Variants in RGS12 observed in about 807,000 individuals in gnomAD.
The protein encoded by RGS12 is regulator of G-protein signaling 12.
A neutral mutation model predicts 120.1 loss-of-function variants in RGS12; 66 were observed. The ratio of observed to expected loss-of-function variants is 0.55; its 90% CI spans 0.45 to 0.67. RGS12 has a LOEUF of 0.67. Among genes scored for constraint, RGS12 ranks in the 30% least tolerant of loss-of-function variants. The pLI is 0.00. For missense variants in RGS12, 1,859 were observed against 1,957.7 expected (o/e 0.95, Z 0.95); for synonymous variants, 827 against 804.7 (o/e 1.03, Z -0.47).
intron 1 of RGS12, among the ~76,000 whole-genome samples, chr4:3,295,101 G>A (rs1723296799): frequency 1.3e-5 from 2 of 152,150 alleles, no homozygotes; most frequent in African/African-American, 4.8e-5. Flanking sequence ...TGGCCAGGCC[G>A]AGGAGACCTG....
intron 1 of RGS12, among the ~76,000 whole-genome samples, chr4:3,293,470 G>T (rs1041733978): frequency 6.6e-6 from 1 of 151,384 alleles, no homozygotes; most frequent in Non-Finnish European, 1.5e-5. Flanking sequence ...CCGCGGGCGA[G>T]ATGCGCCCGG....
In RGS12 at chr4:3,323,790, C is replaced by T. The variant is rs375258339; in HGVS notation, c.1881+5739C>T. Reference sequence around the variant, plus strand: ...ATTGCTGTTTTTAAAAGTGTATGTGCATTTTAAAGTTTGCCAAATTGCTCA... The same window carrying T: ...ATTGCTGTTTTTAAAAGTGTATGTGTATTTTAAAGTTTGCCAAATTGCTCA... On this transcript the variant is annotated intron_variant, in intron 2 of 17. Coordinates refer to ENST00000336727, the MANE Select transcript of RGS12 (RefSeq NM_001394154.1). Among the ~76,000 whole-genome samples, 7 of 149,748 alleles carry T rather than the reference C, an allele frequency of 4.7e-5. No homozygotes were observed. In the South Asian group the frequency reaches 1.5e-3, roughly 32 times the overall value.
At chr4:3,424,198 T>C (rs971681249) in intron 13 of RGS12, among the ~76,000 whole-genome samples, 1 of 152,266 alleles carries the variant, frequency 6.6e-6, no homozygotes, top group Non-Finnish European at 1.5e-5. Context: ...TGGCGAGAGC[T>C]GGGCCCCGCT....
chr4:3,427,356 C>T (rs1577097146), intron 14 of RGS12, among the ~76,000 whole-genome samples: 1 of 152,200 alleles, frequency 6.6e-6, no homozygotes, highest in East Asian at 1.9e-4. Context: ...CCTCCAGTCA[C>T]ATTTGGGCCA....
intron 3 of RGS12, chr4:3,385,084 C>G (rs998715523): frequency 1.3e-5 from 2 of 152,642 alleles, no homozygotes; most frequent in African/African-American, 4.8e-5. Flanking sequence ...TCCCCTCCCC[C>G]TTGGGAGGTT....
rs190298728 is a variant in RGS12, at chr4:3,403,047, C to G, written c.2021-11025C>G. Among the ~76,000 whole-genome samples, 27 of 152,322 alleles carry G rather than the reference C, an allele frequency of 1.8e-4. No homozygotes were observed. In the South Asian group the frequency reaches 5.6e-3, roughly 32 times the overall value. ...ACATAATTCACTCGTCTTTGCACAT[C>G]GCCTAACACTTCCCACACTGACCTT... On this transcript the variant is annotated intron_variant, in intron 4 of 17. Coordinates refer to ENST00000336727, the MANE Select transcript of RGS12 (RefSeq NM_001394154.1).
intron 3 of RGS12, among the ~76,000 whole-genome samples, chr4:3,384,735 C>T (rs1027477036): frequency 2.6e-5 from 4 of 152,200 alleles, no homozygotes; most frequent in Admixed American, 6.5e-5. Flanking sequence ...CAGGACCCTC[C>T]GAAGCTGGCC....
At position 3,372,860 on chromosome 4, in the gene RGS12, G is replaced by A. The variant is rs1436744229; in HGVS notation, c.1999-13556G>A. 3.3e-5 allele frequency among the ~76,000 whole-genome samples: 5 copies of A among 152,196 alleles called. No homozygotes were observed. The highest frequency in any genetic ancestry group is 6.5e-5 in the Admixed American group (1 of 15,278). Reference sequence around the variant, plus strand: ...GACCACAGGGCTTCTCTCCCCTTCAGGCATTGACGTTCTGTTTAATATTTT... The same window carrying A: ...GACCACAGGGCTTCTCTCCCCTTCAAGCATTGACGTTCTGTTTAATATTTT... On this transcript the variant is annotated intron_variant, in intron 3 of 17. Transcript: ENST00000336727. This position sits in a 1 kb window ranked among gnomAD's most constrained non-coding sequence, Gnocchi z 4.3.
chr4:3,326,316 A>G (rs923827680), intron 2 of RGS12, among the ~76,000 whole-genome samples: 1 of 152,154 alleles, frequency 6.6e-6, no homozygotes, highest in Middle Eastern at 3.2e-3. Flanking sequence ...CTGCTATCCT[A>G]GGTCACTGTA....
intron 4 of RGS12, among the ~76,000 whole-genome samples, chr4:3,392,577 T>C (rs1347165275): frequency 1.3e-5 from 2 of 152,252 alleles, no homozygotes; most frequent in African/African-American, 2.4e-5. Context: ...CATTCCCTCC[T>C]GTGAGGGAAT....
chr4:3,343,848 T>G (rs1268569707), intron 3 of RGS12, among the ~76,000 whole-genome samples: 1 of 152,262 alleles, frequency 6.6e-6, no homozygotes, highest in East Asian at 1.9e-4. Context: ...AGCTGTATTC[T>G]ATGTCTTCTT....
intron 3 of RGS12, among the ~76,000 whole-genome samples, chr4:3,362,778 GGT>G (rs1237344341): frequency 1.6e-4 from 22 of 140,068 alleles, no homozygotes; most frequent in South Asian, 4.8e-4. Context: ...TGTGAGTTAG[GGT>G]GTGTGTGAGG....
chr4:3,332,522 A>G (rs1406382942), intron 2 of RGS12, among the ~76,000 whole-genome samples: 1 of 152,218 alleles, frequency 6.6e-6, no homozygotes, highest in East Asian at 1.9e-4. Flanking sequence ...TAGGCTTGCC[A>G]GACTTTTAAA....
intron 2 of RGS12, among the ~76,000 whole-genome samples, chr4:3,325,440 T>G (rs6814892): frequency 0.018 from 2,776 of 152,278 alleles, 69 homozygotes; most frequent in African/African-American, 0.06. Context: ...TCAGCCCTCA[T>G]GAATGGCAGA....
At chr4:3,376,670 A>G (rs1717730239) in intron 3 of RGS12, among the ~76,000 whole-genome samples, 1 of 152,212 alleles carries the variant, frequency 6.6e-6, no homozygotes. Flanking sequence ...CATTTTTCAA[A>G]AAATGCTGCT....
At chr4:3,289,644 T>C (rs1393231799), upstream of RGS12, among the ~76,000 whole-genome samples, 1 of 152,248 alleles carries the variant, frequency 6.6e-6, no homozygotes, top group Non-Finnish European at 1.5e-5. Flanking sequence ...AATTAATGTG[T>C]CCCATCATTC....
chr4:3,386,870 A>G (rs1417875092), intron 4 of RGS12, among the ~76,000 whole-genome samples: 8 of 152,236 alleles, frequency 5.3e-5, no homozygotes, highest in Admixed American at 2.6e-4. Context: ...AAAGTATAAT[A>G]GACGAATTGA....
At chr4:3,327,538 G>T (rs752142548) in intron 2 of RGS12, among the ~76,000 whole-genome samples, 1 of 152,164 alleles carries the variant, frequency 6.6e-6, no homozygotes, top group Admixed American at 6.5e-5. Flanking sequence ...CCTGACAAGG[G>T]TCTAATATCC....
intron 9 of RGS12, chr4:3,420,276 A>G (rs1722858190): frequency 3.4e-6 from 1 of 292,604 alleles, no homozygotes; most frequent in East Asian, 1.1e-4. Flanking sequence ...GGAATGGAGG[A>G]AAGGCCCTTA....
Sources: gnomAD v4.1 joint callset for allele counts (sites outside exome capture counted in the v4.1 genomes callset) on GRCh38, gnomAD v4.1.1 for gene constraint, Gnocchi (gnomAD v3.1) non-coding constraint, MANE v1.5 for transcripts, NCBI Gene and HGNC (gene_info 2026-07-23, HGNC 2026-07-21) for gene names.